The following INPP4B variants were observed in gnomAD, a reference collection of about 807,000 sequenced individuals.
INPP4B encodes the protein inositol polyphosphate 4-phosphatase type II.
A neutral mutation model predicts 122.5 loss-of-function variants in INPP4B; 55 were observed. That is an observed-to-expected ratio of 0.45 (90% CI 0.36 to 0.56). INPP4B has a LOEUF of 0.56. Among genes scored for constraint, INPP4B ranks in the 20% least tolerant of loss-of-function variants. The probability of loss-of-function intolerance (pLI) is 0.00; values close to 1 mark genes in which losing one functional copy is unlikely to be tolerated. For missense variants in INPP4B, 1,000 were observed against 1,097.7 expected (o/e 0.91, Z 1.26); for synonymous variants, 403 against 388.7 (o/e 1.04, Z -0.43).
chr4:142,701,996 T>A (rs948783183), intron 2 of INPP4B, among the ~76,000 whole-genome samples: 2 of 152,092 alleles, frequency 1.3e-5, no homozygotes, highest in African/African-American at 4.8e-5. Context: ...CTAGGTGAAA[T>A]CAGACTACTG....
At chr4:142,186,845 AGC>A (rs1210539788) in intron 15 of INPP4B, among the ~76,000 whole-genome samples, 1 of 152,214 alleles carries the variant, frequency 6.6e-6, no homozygotes, top group African/African-American at 2.4e-5. Context: ...TTTAGTTCAA[AGC>A]TTTGCAGGCC....
chr4:142,542,572 A>G lies in INPP4B; in HGVS notation c.-190-79846T>C, dbSNP rs146238769. On this transcript the variant is annotated intron_variant, in intron 2 of 25. Coordinates refer to ENST00000262992, the MANE Select transcript of INPP4B (RefSeq NM_001101669.3). Reference sequence around the variant, plus strand: ...TACACATGAAGCAATTGCTTAGAATAGTATCTGAAATTTATTCCAGGATTA... The same window carrying G: ...TACACATGAAGCAATTGCTTAGAATGGTATCTGAAATTTATTCCAGGATTA... Among the ~76,000 whole-genome samples, 5 of 152,344 alleles carry G rather than the reference A, an allele frequency of 3.3e-5. No individual in the cohort carries two copies. In the East Asian group the frequency reaches 9.6e-4, roughly 29 times the overall value.
chr4:142,169,318 T>C (rs1295211556), intron 16 of INPP4B, among the ~76,000 whole-genome samples: 1 of 151,674 alleles, frequency 6.6e-6, no homozygotes, highest in Non-Finnish European at 1.5e-5. Context: ...TTCTAATACA[T>C]ACTTTTGCCA....
intron 1 of INPP4B, among the ~76,000 whole-genome samples, chr4:142,824,386 G>C (rs1417435347): frequency 2.7e-5 from 4 of 150,890 alleles, no homozygotes; most frequent in Non-Finnish European, 5.9e-5. Context: ...GGCCAAAATA[G>C]TCCTCTAGGC....
At chr4:142,152,375 C>CT (rs555274163) in intron 17 of INPP4B, among the ~76,000 whole-genome samples, 2 of 151,520 alleles carry the variant, frequency 1.3e-5, no homozygotes, top group Non-Finnish European at 2.9e-5. Flanking sequence ...GCACCCGGCA[C>CT]TTTTTTTTCT....
At chr4:142,131,943 GAAACTTTGTTTCCAAAA>G (rs1239605941) in intron 18 of INPP4B, among the ~76,000 whole-genome samples, 3 of 148,588 alleles carry the variant, frequency 2.0e-5, no homozygotes, top group Non-Finnish European at 4.5e-5. Context: ...CAACAAGAGT[GAAACTTTGTTTCCAAAA>G]AAAAAAAAAC....
chr4:142,330,033 T>A (rs1773865818), intron 7 of INPP4B, among the ~76,000 whole-genome samples: 1 of 152,160 alleles, frequency 6.6e-6, no homozygotes, highest in African/African-American at 2.4e-5. Flanking sequence ...ATAACAGAAT[T>A]GTAATTACTA....
intron 2 of INPP4B, among the ~76,000 whole-genome samples, chr4:142,683,130 C>T (rs1758870157): frequency 6.6e-6 from 1 of 151,788 alleles, no homozygotes; most frequent in South Asian, 2.1e-4. Flanking sequence ...ACAGTACATG[C>T]ATATTAGATA....
chr4:142,671,139 T>G (rs1756931023), intron 2 of INPP4B, among the ~76,000 whole-genome samples: 1 of 151,970 alleles, frequency 6.6e-6, no homozygotes, highest in East Asian at 1.9e-4. Flanking sequence ...AACACCAAAG[T>G]TTTGGGCGGT....
At chr4:142,565,782 T>G (rs1025764021) in intron 2 of INPP4B, among the ~76,000 whole-genome samples, 1 of 152,158 alleles carries the variant, frequency 6.6e-6, no homozygotes, top group Non-Finnish European at 1.5e-5. Context: ...TGATCAAAGT[T>G]AACATTTTCA....
intron 1 of INPP4B, among the ~76,000 whole-genome samples, chr4:142,824,889 T>C (rs1442222528): frequency 6.6e-6 from 1 of 152,162 alleles, no homozygotes; most frequent in Non-Finnish European, 1.5e-5. Flanking sequence ...GAAATATTTG[T>C]CTTTGGGTTT....
chr4:142,250,804 C>T (rs1731598709), intron 11 of INPP4B, among the ~76,000 whole-genome samples: 1 of 152,084 alleles, frequency 6.6e-6, no homozygotes, highest in African/African-American at 2.4e-5. Context: ...GACTGGACTA[C>T]AGACATTTAG....
chr4:142,657,327 G>T (rs1472125518), intron 2 of INPP4B, among the ~76,000 whole-genome samples: 1 of 152,160 alleles, frequency 6.6e-6, no homozygotes, highest in Non-Finnish European at 1.5e-5. Context: ...TAAGTGTTTT[G>T]AGGTTACAAA....
chr4:142,545,892 G>A (rs758536749), intron 2 of INPP4B, among the ~76,000 whole-genome samples: 6 of 150,126 alleles, frequency 4.0e-5, no homozygotes, highest in Admixed American at 1.3e-4. Flanking sequence ...AACATGACTG[G>A]GACATTCATC....
Position 142,024,502 on chromosome 4 carries a change from T to A in INPP4B, c.*4280A>T, listed in dbSNP as rs761030247. On this transcript the variant is annotated 3_prime_UTR_variant, in exon 26 of 26. Transcript: ENST00000262992. ...ATGATCACAGTTTTTTTAGACAAGT[T>A]TCCTAAATCTGTGATAAAAGCTAAT... The A allele has an allele frequency of 2.0e-5, 3 of 152,164 alleles. No individual in the cohort carries two copies. The highest frequency in any genetic ancestry group is 7.2e-5 in the African/African-American group (3 of 41,436). 9.4% of individuals were successfully genotyped at this position (152,164 alleles called of 1,614,324 possible).
At chr4:142,750,499 C>G (rs1561028444) in intron 1 of INPP4B, among the ~76,000 whole-genome samples, 1 of 152,074 alleles carries the variant, frequency 6.6e-6, no homozygotes, top group Admixed American at 6.6e-5. Context: ...TTTCACTAAA[C>G]TTAGCGTTTA....
At chr4:142,091,528 C>T (rs1266990807) in intron 23 of INPP4B, among the ~76,000 whole-genome samples, 2 of 152,194 alleles carry the variant, frequency 1.3e-5, no homozygotes, top group African/African-American at 4.8e-5. Flanking sequence ...GGGAAGCCTA[C>T]TTTCTCAGGT....
rs537239312 is a variant in INPP4B, at chr4:142,535,446, C to G, written c.-190-72720G>C. On this transcript the variant is annotated intron_variant, in intron 2 of 25. Transcript: ENST00000262992. ...ATCCTTAGACTTTCCTTGGGAGGAT[C>G]TGCACATAAGTAAGAACTAACTCTA... is the stretch of plus-strand genomic sequence containing the variant. Among the ~76,000 whole-genome samples the G allele has an allele frequency of 2.0e-5, 3 of 152,334 alleles. No individual in the cohort carries two copies. In the East Asian group the frequency reaches 5.8e-4, roughly 29 times the overall value.
chr4:142,153,570 T>C (rs970713376), intron 17 of INPP4B, among the ~76,000 whole-genome samples: 6 of 152,180 alleles, frequency 3.9e-5, no homozygotes, highest in African/African-American at 1.4e-4. Context: ...AGGGAGATGA[T>C]GGTATCCAAT....
Sources: allele counts gnomAD v4.1 joint callset (sites outside exome capture counted in the v4.1 genomes callset), GRCh38; gene constraint gnomAD v4.1.1; transcripts MANE v1.5; gene names NCBI Gene and HGNC (gene_info 2026-07-23, HGNC 2026-07-21).